Variants in TPPP observed in about 807,000 individuals in gnomAD.
TPPP encodes tubulin polymerization promoting protein, also known as tubulin polymerization-promoting protein.
TPPP carries 6 observed loss-of-function variants against 15.5 expected under a neutral mutation model. The observed-to-expected ratio is 0.39, with a 90% confidence interval of 0.21 to 0.77. TPPP has a LOEUF of 0.77. Among genes scored for constraint, TPPP ranks in the 30% least tolerant of loss-of-function variants. TPPP has a pLI of 0.42. For synonymous variants in TPPP, 146 were observed against 133.9 expected, an observed-to-expected ratio of 1.09 and a Z score of -0.63; for missense variants, 269 against 307.2, an observed-to-expected ratio of 0.88 and a Z score of 0.93.
At chr5:686,234 C>T (rs1441365736) in intron 1 of TPPP, among the ~76,000 whole-genome samples, 14 of 152,150 alleles carry the variant, frequency 9.2e-5, no homozygotes, top group Admixed American at 2.6e-4. Flanking sequence ...GTCGGAGACT[C>T]GGCGGCTGCA....
At chr5:665,439 A>G (rs1028414724) in intron 3 of TPPP, 143 bp from the exon 4 acceptor site, 10 of 768,020 alleles carry the variant, frequency 1.3e-5, no homozygotes, top group Non-Finnish European at 1.8e-5. Flanking sequence ...GCCCCTTTTA[A>G]TTCTTATTTT....
chr5:671,702 TCC>T (rs1370857036), intron 2 of TPPP, among the ~76,000 whole-genome samples: 2 of 151,844 alleles, frequency 1.3e-5, no homozygotes, highest in African/African-American at 4.8e-5. Context: ...TGGCCAAGGG[TCC>T]CCCCGCAGGG....
intron 1 of TPPP, among the ~76,000 whole-genome samples, chr5:683,556 T>A (rs565729979): frequency 6.6e-6 from 1 of 152,220 alleles, no homozygotes; most frequent in Non-Finnish European, 1.5e-5. Flanking sequence ...CCTCTACCCC[T>A]GGAGACACTG....
chr5:671,044 C>T (rs1740202635), intron 2 of TPPP, among the ~76,000 whole-genome samples: 2 of 152,108 alleles, frequency 1.3e-5, no homozygotes, highest in South Asian at 2.1e-4. Context: ...ATTGCTGCAC[C>T]AGCTCTAACC....
At position 660,611 on chromosome 5, in the gene TPPP, G is replaced by T; in HGVS notation, c.*4491C>A. The T allele has an allele frequency of 6.6e-6, 1 of 152,478 alleles. No individual in the cohort carries two copies. 9.4% of individuals were successfully genotyped at this position (152,478 alleles called of 1,614,324 possible). On this transcript the variant is annotated 3_prime_UTR_variant, in exon 4 of 4. Transcript: ENST00000360578. ...AGTGCACGCGTGATTGCCCACAGGA[G>T]GAGATGAGCTGGGCCAGTAGAGGGA...
Position 677,844 on chromosome 5 carries a change from C to T in TPPP, c.217G>A (p.Gly73Ser), listed in dbSNP as rs758380811. ...DARATGREMHGKNWSKLCKDC... is the reference protein window; with the variant it reads ...DARATGREMHSKNWSKLCKDC... ...TTGCACAGCTTCGACCAGTTCTTGC[C>T]GTGCATCTCCCTCCCGGTGGCCCTG... Residue 73 changes from glycine (G) to serine (S), a missense_variant, in exon 2 of 4, where the codon GGC becomes AGC. Transcript: ENST00000360578. 4 of 1,612,418 alleles carry T rather than the reference C, an allele frequency of 2.5e-6. No individual in the cohort carries two copies. The highest frequency in any genetic ancestry group is 1.7e-5 in the Admixed American group (1 of 59,938).
At chr5:666,767 C>T (rs1230191326) in intron 2 of TPPP, 1 of 152,286 alleles carries the variant, frequency 6.6e-6, no homozygotes. Flanking sequence ...AACATCCTCC[C>T]ACCACAGGCC....
chr5:699,759 A>G, the TPPP span, among the ~76,000 whole-genome samples: 1 of 151,442 alleles, frequency 6.6e-6, no homozygotes, highest in Admixed American at 6.6e-5. Flanking sequence ...ACTCAAACCA[A>G]ATAAGCCCAT....
intron 1 of TPPP, among the ~76,000 whole-genome samples, chr5:683,843 T>G (rs368398270): frequency 6.6e-6 from 1 of 152,280 alleles, no homozygotes; most frequent in Non-Finnish European, 1.5e-5. Flanking sequence ...GTCCCTGGTC[T>G]TCTCTCCATG....
intron 1 of TPPP, among the ~76,000 whole-genome samples, chr5:679,125 G>A (rs112150529): frequency 0.07 from 10,683 of 152,198 alleles, 1,283 homozygotes; most frequent in African/African-American, 0.25. Flanking sequence ...TGGGACTCAC[G>A]AAGCCCTCTC....
intron 3 of TPPP, 139 bp downstream of exon 3, chr5:665,817 GCCACGCCCTCCTGA>G: frequency 1.1e-6 from 1 of 879,490 alleles, no homozygotes; most frequent in Admixed American, 2.7e-5. Context: ...CCCACACCAG[GCCACGCCCTCCTGA>G]CCACGCCTCC....
chr5:666,624 A>G (rs1224050062), intron 2 of TPPP, among the ~76,000 whole-genome samples: 1 of 152,194 alleles, frequency 6.6e-6, no homozygotes, highest in African/African-American at 2.4e-5. Context: ...CCTGGCTCCA[A>G]AACCCGCCAG....
chr5:681,929 A>G (rs1040084959), intron 1 of TPPP, among the ~76,000 whole-genome samples: 1 of 152,112 alleles, frequency 6.6e-6, no homozygotes, highest in African/African-American at 2.4e-5. Context: ...ACCAGCTCCA[A>G]GGACTCGGCC....
At chr5:665,438 A>C (rs1288460202) in intron 3 of TPPP, 142 bp from the exon 4 acceptor site, 2 of 769,392 alleles carry the variant, frequency 2.6e-6, no homozygotes, top group African/African-American at 1.8e-5. Context: ...TGCCCCTTTT[A>C]ATTCTTATTT....
chr5:673,827 G>C (rs115240305), intron 2 of TPPP, among the ~76,000 whole-genome samples: 1 of 152,180 alleles, frequency 6.6e-6, no homozygotes, highest in Non-Finnish European at 1.5e-5. Context: ...GGGCTCCTCC[G>C]GCCTCCTGGG....
At chr5:675,206 G>T (rs1286889057) in intron 2 of TPPP, among the ~76,000 whole-genome samples, 9 of 128,394 alleles carry the variant, frequency 7.0e-5, no homozygotes, top group East Asian at 2.5e-4. Flanking sequence ...CAGGGGTTCA[G>T]TGTAGCCGGG....
At chr5:675,669 C>G (rs1222029144) in intron 2 of TPPP, among the ~76,000 whole-genome samples, 2 of 151,914 alleles carry the variant, frequency 1.3e-5, no homozygotes, top group African/African-American at 4.8e-5. Context: ...GGGCTGAGCC[C>G]CAGCCCTTGT....
upstream of TPPP, among the ~76,000 whole-genome samples, chr5:697,046 A>ATG: frequency 1.1e-5 from 1 of 87,282 alleles, no homozygotes; most frequent in African/African-American, 8.0e-5. Context: ...CTTTGTGTGC[A>ATG]TGTGTGTGTG....
chr5:677,596 C>A (rs532807043), intron 2 of TPPP, among the ~76,000 whole-genome samples, 154 bp downstream of exon 2: 1 of 152,270 alleles, frequency 6.6e-6, no homozygotes, highest in Non-Finnish European at 1.5e-5. Flanking sequence ...CACGTTCAGG[C>A]TCCCATGTCA....
Sources: gnomAD v4.1 joint callset for allele counts (sites outside exome capture counted in the v4.1 genomes callset) on GRCh38, gnomAD v4.1.1 for gene constraint, MANE v1.5 for transcripts, NCBI Gene and HGNC (gene_info 2026-07-23, HGNC 2026-07-21) for gene names.